The following ZNF521 variants were observed in gnomAD, a reference collection of about 807,000 sequenced individuals.
The protein encoded by ZNF521 is zinc finger protein 521.
In ZNF521, 14 loss-of-function variants were observed where a neutral mutation model predicts 105.5. That is an observed-to-expected ratio of 0.13 (90% confidence interval 0.09 to 0.21). The LOEUF (loss-of-function observed/expected upper bound fraction) is 0.21, where lower values mean the gene tolerates loss of function less well. Ranked by LOEUF, ZNF521 falls within the 10% of genes least tolerant of loss-of-function variation. The pLI is 1.00. For synonymous variants in ZNF521, 635 were observed against 606.0 expected, an observed-to-expected ratio of 1.05 and a Z score of -0.70; for missense variants, 1,233 against 1,629.7, an observed-to-expected ratio of 0.76 and a Z score of 4.19.
intron 5 of ZNF521, among the ~76,000 whole-genome samples, chr18:25,188,553 G>A (rs574395435): frequency 2.6e-5 from 4 of 152,240 alleles, no homozygotes; most frequent in Admixed American, 6.5e-5. Flanking sequence ...CCCTCCATTC[G>A]GAAATGCTTT....
intron 5 of ZNF521, among the ~76,000 whole-genome samples, chr18:25,107,721 G>C (rs1600035424): frequency 6.6e-6 from 1 of 152,156 alleles, no homozygotes; most frequent in Non-Finnish European, 1.5e-5. Flanking sequence ...ACTCCACATG[G>C]ACTCTTTCCT....
At chr18:25,316,847 C>CTTTTTTTTTTTTTTTTTTTTTTTTTTTT (rs200212987) in intron 3 of ZNF521, among the ~76,000 whole-genome samples, 2 of 126,980 alleles carry the variant, frequency 1.6e-5, no homozygotes, top group Non-Finnish European at 1.7e-5. Context: ...GCAAGTAAGA[C>CTTTTTTTTTTTTTTTTTTTTTTTTTTTT]TTTTTTTTTT....
At chr18:25,153,555 T>A (rs1413017689) in intron 5 of ZNF521, among the ~76,000 whole-genome samples, 2 of 152,208 alleles carry the variant, frequency 1.3e-5, no homozygotes, top group Non-Finnish European at 2.9e-5. Flanking sequence ...ATGGTCCCAG[T>A]CTGGCTAGGT....
Position 25,193,234 on chromosome 18 carries a change from C to T in ZNF521, c.3658+1926G>A, listed in dbSNP as rs73943992. Reference sequence around the variant, plus strand: ...AAACAAACTGATTAATGTTTATAGGCAAAATGATACTAAAATTGGAAAATC... The same window carrying T: ...AAACAAACTGATTAATGTTTATAGGTAAAATGATACTAAAATTGGAAAATC... On this transcript the variant is annotated intron_variant, in intron 5 of 7. Transcript: ENST00000361524. Among the ~76,000 whole-genome samples the T allele has an allele frequency of 6.2e-3, 939 of 152,066 alleles. 7 individuals carry two copies. Among genetic ancestry groups the T allele is most frequent in the African/African-American group, 0.021 (885 of 41,502 alleles).
At chr18:25,083,456 A>G (rs1230448524) in intron 7 of ZNF521, among the ~76,000 whole-genome samples, 7 of 152,214 alleles carry the variant, frequency 4.6e-5, no homozygotes. Context: ...GAAAGCAGCA[A>G]GAAGGTCACA....
intron 2 of ZNF521, among the ~76,000 whole-genome samples, chr18:25,324,886 C>T (rs563691571): frequency 2.2e-4 from 34 of 152,226 alleles, no homozygotes; most frequent in Non-Finnish European, 4.0e-4. Context: ...GTCCATGCTT[C>T]CAACACTGTG....
intron 4 of ZNF521, chr18:25,202,651 C>T (rs187247535): frequency 2.4e-4 from 37 of 152,232 alleles, no homozygotes; most frequent in Admixed American, 1.4e-3. Flanking sequence ...ATATATTAAT[C>T]GCAAATGCAA....
At chr18:25,348,374 C>G (rs943234320) in intron 2 of ZNF521, among the ~76,000 whole-genome samples, 2 of 152,086 alleles carry the variant, frequency 1.3e-5, no homozygotes, top group Non-Finnish European at 1.5e-5. Flanking sequence ...CAAGAGCCAC[C>G]CAGAATGCCC....
chr18:25,220,186 G>T (rs1297081114), intron 4 of ZNF521, among the ~76,000 whole-genome samples: 1 of 152,218 alleles, frequency 6.6e-6, no homozygotes, highest in East Asian at 1.9e-4. Flanking sequence ...GGAAGACAGA[G>T]GCCCCATAAA....
intron 3 of ZNF521, among the ~76,000 whole-genome samples, chr18:25,256,238 T>C (rs1453000271): frequency 6.6e-6 from 1 of 151,690 alleles, no homozygotes; most frequent in African/African-American, 2.4e-5. Context: ...CACAGAATGG[T>C]ATTTGCCAGG....
chr18:25,200,162 C>T (rs1490893240), intron 4 of ZNF521, among the ~76,000 whole-genome samples: 1 of 152,092 alleles, frequency 6.6e-6, no homozygotes, highest in Admixed American at 6.6e-5. Context: ...TTTACAATTA[C>T]ATTTTAGGTG....
chr18:25,194,612 G>A (rs1238909267), intron 5 of ZNF521, among the ~76,000 whole-genome samples: 2 of 151,444 alleles, frequency 1.3e-5, no homozygotes, highest in Non-Finnish European at 1.5e-5. Context: ...AATTTGGTGG[G>A]GAATAAAAAA....
chr18:25,228,613 C>A (rs1568023736), intron 3 of ZNF521, among the ~76,000 whole-genome samples: 9 of 152,098 alleles, frequency 5.9e-5, no homozygotes, highest in Admixed American at 2.6e-4. Flanking sequence ...AGAGACAAAG[C>A]AACTTGTGAA....
chr18:25,135,960 C>T (rs2034726091), intron 5 of ZNF521, among the ~76,000 whole-genome samples: 1 of 152,010 alleles, frequency 6.6e-6, no homozygotes, highest in South Asian at 2.1e-4. Context: ...AACGTGAAGG[C>T]TTTTGAAAGA....
At chr18:25,293,629 C>T (rs1006318746) in intron 3 of ZNF521, among the ~76,000 whole-genome samples, 3 of 152,136 alleles carry the variant, frequency 2.0e-5, no homozygotes, top group African/African-American at 7.2e-5. Flanking sequence ...AGATTTTATG[C>T]TCTACTGTGG....
At chr18:25,085,085 T>G (rs1394590920) in intron 7 of ZNF521, among the ~76,000 whole-genome samples, 2 of 152,138 alleles carry the variant, frequency 1.3e-5, no homozygotes, top group Non-Finnish European at 2.9e-5. Context: ...AATAATGGAC[T>G]CTTATTCCAA....
chr18:25,350,342 G>T (rs931288790), intron 2 of ZNF521, among the ~76,000 whole-genome samples: 2 of 152,014 alleles, frequency 1.3e-5, no homozygotes, highest in African/African-American at 4.8e-5. Context: ...CGGCGGCCGG[G>T]GTCTGTTTAC....
chr18:25,267,680 A>G (rs1292417158), intron 3 of ZNF521, among the ~76,000 whole-genome samples: 1 of 152,232 alleles, frequency 6.6e-6, no homozygotes, highest in Non-Finnish European at 1.5e-5. Context: ...GAGCTGCAGC[A>G]GAGGGGCCTG....
chr18:25,146,881 A>T (rs2034954999), intron 5 of ZNF521, among the ~76,000 whole-genome samples: 1 of 152,176 alleles, frequency 6.6e-6, no homozygotes, highest in Admixed American at 6.5e-5. Flanking sequence ...ATACAGGTAT[A>T]AATATCCTAT....
Sources: gnomAD v4.1 joint callset for allele counts (sites outside exome capture counted in the v4.1 genomes callset) on GRCh38, gnomAD v4.1.1 for gene constraint, MANE v1.5 for transcripts, NCBI Gene and HGNC (gene_info 2026-07-23, HGNC 2026-07-21) for gene names.